SLC22A23: variants seen among roughly 807,000 people sequenced by gnomAD.
The protein encoded by SLC22A23 is solute carrier family 22 member 23, also known as ion transporter protein.
A neutral mutation model predicts 61.0 loss-of-function variants in SLC22A23; 26 were observed. That is an observed-to-expected ratio of 0.43 (90% CI 0.31 to 0.59). The LOEUF (loss-of-function observed/expected upper bound fraction) is 0.59, where lower values mean the gene tolerates loss of function less well. Among genes scored for constraint, SLC22A23 ranks in the 20% least tolerant of loss-of-function variants. The pLI, the probability that SLC22A23 is intolerant of heterozygous loss-of-function variation, is 0.11. For synonymous variants in SLC22A23, 430 were observed against 413.9 expected (o/e 1.04, Z -0.47); for missense variants, 796 against 934.7 (o/e 0.85, Z 1.94).
At chr6:3,437,492 A>G (rs1032137983) in intron 1 of SLC22A23, among the ~76,000 whole-genome samples, 3 of 151,924 alleles carry the variant, frequency 2.0e-5, no homozygotes, top group African/African-American at 7.3e-5. Flanking sequence ...CCTGGCTAAC[A>G]CAGTGAAACC....
chr6:3,325,587 C>T (rs1763231922), intron 3 of SLC22A23, among the ~76,000 whole-genome samples: 1 of 152,186 alleles, frequency 6.6e-6, no homozygotes, highest in Non-Finnish European at 1.5e-5. Flanking sequence ...AATGCTGTTC[C>T]TTTTGGTACC....
chr6:3,378,319 G>A (rs549362329), intron 3 of SLC22A23, among the ~76,000 whole-genome samples: 33 of 152,248 alleles, frequency 2.2e-4, no homozygotes, highest in Non-Finnish European at 4.1e-4. Context: ...AACCAGGACC[G>A]TTCTCCCAGG....
intron 4 of SLC22A23, among the ~76,000 whole-genome samples, chr6:3,299,083 C>T (rs958939833): frequency 6.6e-6 from 1 of 151,926 alleles, no homozygotes; most frequent in Non-Finnish European, 1.5e-5. Context: ...ATGTACTGCA[C>T]CATCACTGTG....
At chr6:3,283,598 C>T in intron 9 of SLC22A23, 3 of 456,544 alleles carry the variant, frequency 6.6e-6, no homozygotes, top group South Asian at 6.1e-5. Context: ...GACATATTTC[C>T]TGGGCCCAGA....
In SLC22A23 at chr6:3,288,608, C is replaced by T. The variant is rs114133485; in HGVS notation, c.1313+1156G>A. ...ATCTGAAGATAACAGAGCCAGAGAGCTCGGTTCCCCGTCTCCACAAAACGA... is the reference window on the plus strand; with the variant it reads ...ATCTGAAGATAACAGAGCCAGAGAGTTCGGTTCCCCGTCTCCACAAAACGA... On this transcript the variant is annotated intron_variant, in intron 6 of 9. Transcript: ENST00000406686. Among the ~76,000 whole-genome samples, 775 of 152,354 alleles carry T rather than the reference C, an allele frequency of 5.1e-3. 8 individuals carry two copies. The highest frequency in any genetic ancestry group is 0.016 in the African/African-American group (672 of 41,570).
chr6:3,399,566 TA>T (rs1768240976), intron 3 of SLC22A23, among the ~76,000 whole-genome samples: 1 of 152,180 alleles, frequency 6.6e-6, no homozygotes, highest in African/African-American at 2.4e-5. Context: ...ATAGCTGTGT[TA>T]CGGATAATGA....
intron 3 of SLC22A23, among the ~76,000 whole-genome samples, chr6:3,400,723 CACG>C (rs1380868690): frequency 6.6e-6 from 1 of 152,220 alleles, no homozygotes; most frequent in Non-Finnish European, 1.5e-5. Flanking sequence ...TGATCACACG[CACG>C]TGTGTGCACT....
In SLC22A23 at chr6:3,438,505, C is replaced by A. The variant is rs142836438; in HGVS notation, c.654+17401G>T. The A allele has an allele frequency of 6.1e-4, 277 of 456,742 alleles. 2 individuals carry two copies. The highest frequency in any genetic ancestry group is 4.7e-3 in the African/African-American group (237 of 50,214). 28.3% of individuals were successfully genotyped at this position (456,742 alleles called of 1,614,324 possible). A position where few individuals can be genotyped will look rare whatever the true frequency, so the allele number is the denominator to read the frequency against. ...TTACGTTCAGCTCCGGCCTCCAGCG[C>A]TTGGTGTCTGTGTCCCACGGGAGAG... On this transcript the variant is annotated intron_variant, in intron 1 of 9. Coordinates refer to ENST00000406686, the MANE Select transcript of SLC22A23 (RefSeq NM_015482.2).
intron 3 of SLC22A23, among the ~76,000 whole-genome samples, chr6:3,402,100 T>C (rs936513838): frequency 3.9e-5 from 6 of 152,118 alleles, no homozygotes; most frequent in African/African-American, 1.4e-4. Flanking sequence ...TTCACCCTTC[T>C]CCCCATTCCT....
At position 3,415,744 on chromosome 6, in the gene SLC22A23, G is replaced by A. The variant is rs965292751; in HGVS notation, c.758+8C>T. 2.6e-5 allele frequency: 40 copies of A among 1,544,436 alleles called. No homozygotes were observed. The Admixed American group carries it at 7.7e-4, about 30-fold the overall frequency. ...AAAGGTTCGTGCGGCGGGCATGTTG[G>A]TACTCACCAGTCAGCAATGCATCCA... is the stretch of plus-strand genomic sequence containing the variant. On this transcript the variant is annotated splice_region_variant and intron_variant, in intron 2 of 9. Coordinates refer to ENST00000406686, the MANE Select transcript of SLC22A23 (RefSeq NM_015482.2).
chr6:3,303,090 A>G (rs1316063805), intron 4 of SLC22A23: 2 of 152,194 alleles, frequency 1.3e-5, no homozygotes, highest in Non-Finnish European at 2.9e-5. Context: ...ATGGCCAACA[A>G]ACATATATTA....
At chr6:3,398,012 C>T (rs546472794) in intron 3 of SLC22A23, among the ~76,000 whole-genome samples, 1 of 152,226 alleles carries the variant, frequency 6.6e-6, no homozygotes, top group South Asian at 2.1e-4. Flanking sequence ...TGACCCCACC[C>T]TAACACAAAG....
chr6:3,285,434 C>T (rs561685091), intron 7 of SLC22A23, among the ~76,000 whole-genome samples: 1 of 152,376 alleles, frequency 6.6e-6, no homozygotes, highest in East Asian at 1.9e-4. Flanking sequence ...CAGGTCACTG[C>T]CGCCTGCATT....
chr6:3,294,609 A>G (rs9405625), intron 5 of SLC22A23, among the ~76,000 whole-genome samples: 29,731 of 152,164 alleles, frequency 0.2, 4,775 homozygotes, highest in African/African-American at 0.43. Flanking sequence ...TGCTGGCCAC[A>G]CGGCCACATT....
chr6:3,376,089 C>T (rs964969500), intron 3 of SLC22A23, among the ~76,000 whole-genome samples: 2 of 152,274 alleles, frequency 1.3e-5, no homozygotes, highest in South Asian at 2.1e-4. Flanking sequence ...CAATAAAGAT[C>T]GTGCAGATTT....
chr6:3,381,701 C>T (rs892266172), intron 3 of SLC22A23, among the ~76,000 whole-genome samples: 3 of 152,176 alleles, frequency 2.0e-5, no homozygotes, highest in African/African-American at 7.2e-5. Context: ...GAATTTATTT[C>T]TTACAGGCTT....
intron 3 of SLC22A23, among the ~76,000 whole-genome samples, chr6:3,356,874 T>C (rs1346942069): frequency 2.6e-5 from 4 of 151,890 alleles, no homozygotes; most frequent in Non-Finnish European, 5.9e-5. Context: ...AGATGGGAAA[T>C]GGCCCCTTCA....
intron 9 of SLC22A23, among the ~76,000 whole-genome samples, chr6:3,280,910 C>T (rs1037879529): frequency 6.6e-6 from 1 of 152,076 alleles, no homozygotes; most frequent in Non-Finnish European, 1.5e-5. Context: ...AGACAGATGT[C>T]AGGGAGTCGT....
intron 1 of SLC22A23, chr6:3,432,342 A>G: frequency 2.0e-6 from 2 of 985,496 alleles, no homozygotes; most frequent in Non-Finnish European, 2.4e-6. Flanking sequence ...AAGAAGCCTA[A>G]GTTTAAAATA....
Sources: allele counts gnomAD v4.1 joint callset (sites outside exome capture counted in the v4.1 genomes callset), GRCh38; gene constraint gnomAD v4.1.1; transcripts MANE v1.5; gene names NCBI Gene and HGNC (gene_info 2026-07-23, HGNC 2026-07-21).